CADPS2: variants seen among roughly 807,000 people sequenced by gnomAD.
CADPS2 encodes calcium-dependent secretion activator 2.
A neutral mutation model predicts 172.5 loss-of-function variants in CADPS2; 93 were observed. That is an observed-to-expected ratio of 0.54 (90% CI 0.46 to 0.64). The LOEUF is 0.64. CADPS2 is among the 30% of genes least tolerant of loss of function. The pLI is 0.00. For synonymous variants in CADPS2, 546 were observed against 555.2 expected (o/e 0.98, Z 0.23); for missense variants, 1,420 against 1,565.9 (o/e 0.91, Z 1.57).
chr7:122,372,793 G>A (rs578088774), intron 25 of CADPS2, among the ~76,000 whole-genome samples: 9 of 152,202 alleles, frequency 5.9e-5, no homozygotes, highest in African/African-American at 2.2e-4. Flanking sequence ...TAATTTTTAT[G>A]GGCTGGTTGC....
intron 1 of CADPS2, among the ~76,000 whole-genome samples, chr7:122,775,540 A>T (rs980047623): frequency 2.8e-4 from 43 of 152,236 alleles, no homozygotes; most frequent in African/African-American, 1.0e-3. Flanking sequence ...AGAGAAAGGC[A>T]ACATATTTAT....
rs561975263 is a variant in CADPS2, at chr7:122,362,398, C to T, written c.3388-1385G>A. Among the ~76,000 whole-genome samples, 9 of 152,206 alleles carry T rather than the reference C, an allele frequency of 5.9e-5. No homozygotes were observed. In the South Asian group the frequency reaches 1.9e-3, roughly 32 times the overall value. ...TTGACCACCTTACTTCTCAGGCTTC[C>T]TCCATCAGTTAAATGGACTAGGGTG... On this transcript the variant is annotated intron_variant, in intron 25 of 29. Transcript: ENST00000449022.
At chr7:122,412,900 C>T (rs1355883555) in intron 19 of CADPS2, 3 of 152,216 alleles carry the variant, frequency 2.0e-5, no homozygotes, top group Non-Finnish European at 2.9e-5. Flanking sequence ...GTGATCACCA[C>T]GCTATGCATC....
rs571891542 is a variant in CADPS2, at chr7:122,580,576, T to C, written c.1335+603A>G. 2.0e-5 allele frequency among the ~76,000 whole-genome samples: 3 copies of C among 152,198 alleles called. No individual in the cohort carries two copies. In the East Asian group the frequency reaches 5.8e-4, roughly 29 times the overall value. On this transcript the variant is annotated intron_variant, in intron 7 of 29. Coordinates refer to ENST00000449022, the MANE Select transcript of CADPS2 (RefSeq NM_017954.11). ...TGACCTTTCACACAGATTTACCTAA[T>C]GTTAATGCTTTTACTGACAGCACAA...
Position 122,886,286 on chromosome 7 carries a change from C to G in CADPS2, c.52G>C (p.Glu18Gln). Residue 18 changes from glutamate (E) to glutamine (Q), a missense_variant, in exon 1 of 30, where the codon GAA becomes CAA. By Grantham distance (29) the Glu-to-Gln change is conservative. Transcript: ENST00000449022. ...EEESDEGLEE[E>Q]SRDVLVAAGS... is the part of the protein sequence containing the mutation. ...GCTGCCACCAGCACATCGCGGCTTT[C>G]CTCTTCCAGCCCCTCGTCCGACTCC... The G allele has an allele frequency of 6.6e-7, 1 of 1,505,012 alleles. No homozygotes were observed. The highest frequency in any genetic ancestry group is 1.2e-5 in the South Asian group (1 of 81,040). The allele number at this position is 1,505,012 out of a possible 1,614,324, so 93.2% of individuals were successfully genotyped here.
chr7:122,454,119 A>G (rs2053469011), intron 14 of CADPS2, among the ~76,000 whole-genome samples: 1 of 152,170 alleles, frequency 6.6e-6, no homozygotes, highest in African/African-American at 2.4e-5. Flanking sequence ...TCCTACAATA[A>G]TTCTTCCCGA....
At chr7:122,337,571 G>T (rs1403306783) in intron 28 of CADPS2, among the ~76,000 whole-genome samples, 1 of 152,046 alleles carries the variant, frequency 6.6e-6, no homozygotes, top group Non-Finnish European at 1.5e-5. Flanking sequence ...AGGGCCTTTG[G>T]CCTCTCTGAA....
At chr7:122,341,284 G>T (rs936234266) in intron 28 of CADPS2, among the ~76,000 whole-genome samples, 3 of 152,124 alleles carry the variant, frequency 2.0e-5, no homozygotes, top group African/African-American at 4.8e-5. Context: ...TTTTCACATG[G>T]CTATCACAAA....
intron 27 of CADPS2, among the ~76,000 whole-genome samples, chr7:122,356,709 G>T (rs2039450536): frequency 6.6e-6 from 1 of 152,048 alleles, no homozygotes; most frequent in African/African-American, 2.4e-5. Context: ...TTATGCTTTG[G>T]ATTATAATCC....
chr7:122,884,856 G>A (rs1418685415), intron 1 of CADPS2, among the ~76,000 whole-genome samples: 1 of 152,196 alleles, frequency 6.6e-6, no homozygotes, highest in African/African-American at 2.4e-5. Context: ...CTAAATGGGG[G>A]TAGGAGAATG....
Position 122,427,677 on chromosome 7 carries a change from C to T in CADPS2, c.2476+10664G>A, listed in dbSNP as rs539537717. On this transcript the variant is annotated intron_variant, in intron 17 of 29. Coordinates refer to ENST00000449022, the MANE Select transcript of CADPS2 (RefSeq NM_017954.11). ...ATGGATCTGACCCTATGCTTGTAGT[C>T]GTCTGCCGGATCATGGGCTTTGGTG... 3.9e-5 allele frequency among the ~76,000 whole-genome samples: 6 copies of T among 152,146 alleles called. No individual in the cohort carries two copies. In the East Asian group the frequency reaches 1.2e-3, roughly 29 times the overall value.
At chr7:122,457,473 T>C (rs2053924984) in intron 14 of CADPS2, among the ~76,000 whole-genome samples, 1 of 152,164 alleles carries the variant, frequency 6.6e-6, no homozygotes, top group African/African-American at 2.4e-5. Context: ...CCAAAACACA[T>C]TGTAAGGAAC....
chr7:122,664,657 C>T (rs2135411242), intron 2 of CADPS2, among the ~76,000 whole-genome samples: 1 of 152,290 alleles, frequency 6.6e-6, no homozygotes. Context: ...TATAAGACTG[C>T]TTTTATTCTT....
At chr7:122,819,311 C>A (rs1420016034) in intron 1 of CADPS2, among the ~76,000 whole-genome samples, 6 of 152,184 alleles carry the variant, frequency 3.9e-5, no homozygotes, top group East Asian at 1.9e-4. Flanking sequence ...CACCTGGCAG[C>A]CACTCCCAGA....
In CADPS2 at chr7:122,506,740, AAAAC is replaced by A. The variant is rs1430617627; in HGVS notation, c.1542+6505_1542+6508del. 6.6e-4 allele frequency among the ~76,000 whole-genome samples: 101 copies of A among 151,892 alleles called. 1 individual carries two copies. Among genetic ancestry groups the A allele is most frequent in the East Asian group, 3.9e-4 (2 of 5,168 alleles). On this transcript the variant is annotated intron_variant, in intron 9 of 29. Transcript: ENST00000449022. The stretch of plus-strand genomic sequence containing the variant: ...GCTAGAGTTATTTAAAAAAAAAAAA[AAAAC>A]AAACAAACTACACCAGAGCTGAATT...
At chr7:122,862,069 G>A (rs943516510) in intron 1 of CADPS2, among the ~76,000 whole-genome samples, 4 of 152,098 alleles carry the variant, frequency 2.6e-5, no homozygotes, top group Admixed American at 2.0e-4. Context: ...CAATTCAAAA[G>A]AATTATGAAG....
At chr7:122,697,661 A>G (rs2085327560) in intron 2 of CADPS2, 1 of 758,232 alleles carries the variant, frequency 1.3e-6, no homozygotes, top group Non-Finnish European at 2.1e-6. Flanking sequence ...TTGGACAAAG[A>G]ATGTATAAAA....
At chr7:122,780,795 G>A (rs1434632768) in intron 1 of CADPS2, among the ~76,000 whole-genome samples, 1 of 152,162 alleles carries the variant, frequency 6.6e-6, no homozygotes, top group Admixed American at 6.5e-5. Flanking sequence ...TTTAAGGGCT[G>A]TATAATAGTA....
intron 3 of CADPS2, among the ~76,000 whole-genome samples, chr7:122,661,687 GTCTTA>G (rs770361148): frequency 6.6e-6 from 1 of 152,110 alleles, no homozygotes; most frequent in Non-Finnish European, 1.5e-5. Context: ...GACTTATCAA[GTCTTA>G]TCTTATATAG....
Sources: allele counts gnomAD v4.1 joint callset (sites outside exome capture counted in the v4.1 genomes callset), GRCh38; gene constraint gnomAD v4.1.1; transcripts MANE v1.5; gene names NCBI Gene and HGNC (gene_info 2026-07-23, HGNC 2026-07-21).